COL21A1: variants seen among roughly 807,000 people sequenced by gnomAD.
COL21A1 encodes the protein collagen alpha-1(XXI) chain.
A neutral mutation model predicts 137.9 loss-of-function variants in COL21A1; 149 were observed. The observed-to-expected ratio is 1.08, with a 90% CI of 0.95 to 1.24. The LOEUF is 1.24. COL21A1 is among the 50% of genes most tolerant of loss of function. The pLI is 0.00. For synonymous variants in COL21A1, 456 were observed against 391.5 expected, an observed-to-expected ratio of 1.16 and a Z score of -1.95; for missense variants, 1,167 against 1,158.4, an observed-to-expected ratio of 1.01 and a Z score of -0.11.
intron 1 of COL21A1, among the ~76,000 whole-genome samples, chr6:56,275,384 C>T (rs925508630): frequency 2.6e-5 from 4 of 152,098 alleles, no homozygotes; most frequent in Non-Finnish European, 5.9e-5. Flanking sequence ...AATTAAAGAG[C>T]TTCTGCACAG....
intron 18 of COL21A1, among the ~76,000 whole-genome samples, chr6:56,076,490 C>T (rs901581179): frequency 2.0e-5 from 3 of 150,662 alleles, no homozygotes; most frequent in African/African-American, 7.3e-5. Context: ...AAAACAGAAT[C>T]ATGAAAGACT....
chr6:56,224,945 T>C (rs577656453), intron 1 of COL21A1, among the ~76,000 whole-genome samples: 2 of 152,194 alleles, frequency 1.3e-5, no homozygotes, highest in African/African-American at 4.8e-5. Flanking sequence ...ACAGCAATGC[T>C]GTTGAGCAAG....
intron 17 of COL21A1, among the ~76,000 whole-genome samples, chr6:56,099,627 C>T (rs62411452): frequency 0.15 from 23,026 of 151,098 alleles, 1,767 homozygotes; most frequent in Middle Eastern, 0.22. Context: ...TTAACCTTTC[C>T]TTCTCTCACC....
rs1316154354 is a variant in COL21A1, at chr6:56,173,265, C to A, written c.641-2137G>T. Among the ~76,000 whole-genome samples the A allele has an allele frequency of 2.0e-5, 3 of 152,144 alleles. No homozygotes were observed. In the East Asian group the frequency reaches 5.8e-4, roughly 29 times the overall value. ...TGGTGGCATGTGCCTGTAGTCTCAG[C>A]TACTCAGGAGGCTGAGGTGGGAGGA... On this transcript the variant is annotated intron_variant, in intron 3 of 29. Coordinates refer to ENST00000244728, the MANE Select transcript of COL21A1 (RefSeq NM_030820.4).
intron 16 of COL21A1, among the ~76,000 whole-genome samples, chr6:56,106,907 C>T (rs998721930): frequency 6.6e-6 from 1 of 152,120 alleles, no homozygotes; most frequent in African/African-American, 2.4e-5. Context: ...CTGCCTCAGC[C>T]TCCTCAGTAG....
At chr6:56,101,351 A>G (rs1770441626) in intron 17 of COL21A1, 121 bp downstream of exon 17, 1 of 746,476 alleles carries the variant, frequency 1.3e-6, no homozygotes, top group African/African-American at 1.8e-5. Context: ...TACAACATCT[A>G]AAATCTGGAA....
At chr6:56,347,076 C>T (rs1393034167) in intron 1 of COL21A1, among the ~76,000 whole-genome samples, 1 of 152,178 alleles carries the variant, frequency 6.6e-6, no homozygotes, top group African/African-American at 2.4e-5. Flanking sequence ...CCCAGGAACA[C>T]TCAGCTGCCT....
intron 24 of COL21A1, among the ~76,000 whole-genome samples, chr6:56,062,873 A>G (rs1765932303): frequency 2.0e-5 from 3 of 152,190 alleles, no homozygotes; most frequent in African/African-American, 7.2e-5. Context: ...TGGGAATTGA[A>G]TTAGAGCTAA....
chr6:56,078,918 A>C (rs1242495825), intron 17 of COL21A1, among the ~76,000 whole-genome samples: 1 of 151,744 alleles, frequency 6.6e-6, no homozygotes, highest in African/African-American at 2.4e-5. Context: ...GTAACAATAT[A>C]AAACACAATC....
intron 1 of COL21A1, among the ~76,000 whole-genome samples, chr6:56,316,614 C>T (rs936417366): frequency 4.0e-5 from 6 of 148,964 alleles, no homozygotes; most frequent in African/African-American, 7.4e-5. Flanking sequence ...CCCAAGTAGC[C>T]GGGAGTACAG....
intron 17 of COL21A1, among the ~76,000 whole-genome samples, chr6:56,090,642 TA>T: frequency 6.6e-6 from 1 of 152,178 alleles, no homozygotes; most frequent in Non-Finnish European, 1.5e-5. Flanking sequence ...TTATAAGAGT[TA>T]TTCTCAATTA....
intron 1 of COL21A1, among the ~76,000 whole-genome samples, chr6:56,371,268 T>C (rs2093988054): frequency 6.6e-6 from 1 of 152,218 alleles, no homozygotes; most frequent in African/African-American, 2.4e-5. Flanking sequence ...AAAATCCTAA[T>C]GCAGAAAGAG....
chr6:56,099,410 GT>G (rs1770234188), intron 17 of COL21A1, among the ~76,000 whole-genome samples: 1 of 150,904 alleles, frequency 6.6e-6, no homozygotes, highest in Non-Finnish European at 1.5e-5. Context: ...CTAATTTTTT[GT>G]ATTTTTAGTA....
At chr6:56,135,412 A>G (rs1266573940) in intron 12 of COL21A1, among the ~76,000 whole-genome samples, 2 of 152,128 alleles carry the variant, frequency 1.3e-5, no homozygotes, top group African/African-American at 4.8e-5. Context: ...TCAAACCAGT[A>G]TCATTTCTAA....
intron 1 of COL21A1, among the ~76,000 whole-genome samples, chr6:56,370,585 G>C (rs1409010593): frequency 6.6e-6 from 1 of 152,054 alleles, no homozygotes; most frequent in East Asian, 1.9e-4. Flanking sequence ...CGTACAATTG[G>C]GCTTTATGTG....
intron 22 of COL21A1, chr6:56,068,838 A>C (rs1766486662): frequency 2.2e-6 from 1 of 447,644 alleles, no homozygotes; most frequent in Admixed American, 4.5e-5. Flanking sequence ...TAAGGTCTTC[A>C]TCTAGGAGAC....
intron 1 of COL21A1, among the ~76,000 whole-genome samples, chr6:56,237,337 T>C (rs923303644): frequency 3.3e-5 from 5 of 152,076 alleles, no homozygotes; most frequent in African/African-American, 1.2e-4. Context: ...ACAAAAACAA[T>C]GAAATTTTTA....
At chr6:56,111,921 CTT>C (rs914912308) in intron 16 of COL21A1, among the ~76,000 whole-genome samples, 4 of 150,632 alleles carry the variant, frequency 2.7e-5, no homozygotes, top group African/African-American at 9.8e-5. Context: ...CACAGGCTCT[CTT>C]GGTAAAAATT....
At chr6:56,172,572 T>A (rs1035766767) in intron 3 of COL21A1, among the ~76,000 whole-genome samples, 1 of 152,090 alleles carries the variant, frequency 6.6e-6, no homozygotes, top group Admixed American at 6.5e-5. Flanking sequence ...ATCAGCAACA[T>A]AAAAGCATAA....
Sources: gnomAD v4.1 joint callset for allele counts (sites outside exome capture counted in the v4.1 genomes callset) on GRCh38, gnomAD v4.1.1 for gene constraint, MANE v1.5 for transcripts, NCBI Gene and HGNC (gene_info 2026-07-23, HGNC 2026-07-21) for gene names.